MAMDC2: variants seen among roughly 807,000 people sequenced by gnomAD.
MAMDC2 encodes MAM domain containing 2, also known as MAM domain-containing protein 2.
MAMDC2 carries 57 observed loss-of-function variants against 89.8 expected under a neutral mutation model. The ratio of observed to expected loss-of-function variants is 0.63; its 90% CI spans 0.51 to 0.79. The LOEUF is 0.79. Ranked by LOEUF, MAMDC2 falls within the 30% of genes least tolerant of loss-of-function variation. The probability of loss-of-function intolerance (pLI) is 0.00; values close to 1 mark genes in which losing one functional copy is unlikely to be tolerated. For missense variants in MAMDC2, 800 were observed against 820.6 expected, an observed-to-expected ratio of 0.97 and a Z score of 0.31; for synonymous variants, 313 against 293.4, an observed-to-expected ratio of 1.07 and a Z score of -0.68.
At chr9:70,073,343 T>TGG (rs1827453286) in intron 2 of MAMDC2, among the ~76,000 whole-genome samples, 1 of 152,218 alleles carries the variant, frequency 6.6e-6, no homozygotes, top group South Asian at 2.1e-4. Context: ...GCACTGAATA[T>TGG]TTATAATAAA....
At chr9:70,206,295 G>C (rs1038662101) in intron 11 of MAMDC2, among the ~76,000 whole-genome samples, 1 of 152,130 alleles carries the variant, frequency 6.6e-6, no homozygotes, top group African/African-American at 2.4e-5. Flanking sequence ...ATTTTATTGT[G>C]AGTTATTGTT....
intron 2 of MAMDC2, among the ~76,000 whole-genome samples, chr9:70,106,937 T>C (rs1169552069): frequency 6.6e-6 from 1 of 151,856 alleles, no homozygotes; most frequent in East Asian, 1.9e-4. Context: ...GGATGGGCAT[T>C]TGAGACAACA....
At chr9:70,207,660 C>T (rs1042922146) in intron 11 of MAMDC2, among the ~76,000 whole-genome samples, 2 of 152,144 alleles carry the variant, frequency 1.3e-5, no homozygotes, top group African/African-American at 4.8e-5. Flanking sequence ...TCAATTTTGG[C>T]TTTTGTTGTC....
chr9:70,205,771 A>T (rs547788397), intron 11 of MAMDC2, among the ~76,000 whole-genome samples: 5 of 152,276 alleles, frequency 3.3e-5, no homozygotes, highest in African/African-American at 1.2e-4. Context: ...ATGTGCAACA[A>T]CATGTGAGCT....
chr9:70,088,862 T>G (rs1587459441), intron 2 of MAMDC2: 1 of 152,076 alleles, frequency 6.6e-6, no homozygotes, highest in Admixed American at 6.6e-5. Context: ...ATTTACGACT[T>G]AAATATAAAA....
At chr9:70,044,824 T>A (rs529494666) in intron 2 of MAMDC2, 127 bp downstream of exon 2, 1 of 782,048 alleles carries the variant, frequency 1.3e-6, no homozygotes, top group East Asian at 2.7e-5. Context: ...GAGTCATGGA[T>A]CCTCCTTCAA....
At chr9:70,168,991 T>G (rs2032251767) in intron 10 of MAMDC2, among the ~76,000 whole-genome samples, 196 bp downstream of exon 10, 1 of 152,236 alleles carries the variant, frequency 6.6e-6, no homozygotes, top group Admixed American at 6.5e-5. Flanking sequence ...TTTGTACATG[T>G]GACTTAACCC....
chr9:70,089,738 C>T (rs1827847341), intron 2 of MAMDC2, among the ~76,000 whole-genome samples: 1 of 152,138 alleles, frequency 6.6e-6, no homozygotes, highest in African/African-American at 2.4e-5. Context: ...ATCTTAGGAA[C>T]TATTGGTACA....
chr9:70,198,327 AC>A (rs2033019974), intron 11 of MAMDC2, among the ~76,000 whole-genome samples: 2 of 152,030 alleles, frequency 1.3e-5, no homozygotes, highest in Admixed American at 1.3e-4. Context: ...ACTTGAGACT[AC>A]AGTATTATGA....
chr9:70,070,060 T>G (rs1346723291), intron 2 of MAMDC2, among the ~76,000 whole-genome samples: 3 of 152,218 alleles, frequency 2.0e-5, no homozygotes, highest in African/African-American at 7.2e-5. Context: ...ATTTTCACTG[T>G]GCATTGTTAG....
In MAMDC2 at chr9:70,143,747, G is replaced by A; in HGVS notation, c.1332G>A (p.Trp444Ter). The part of the protein sequence containing the change: ...EENHVVQEKI[W>*]SVLESPRGVW... ...ACCATGTGGTTCAAGAGAAGATCTG[G>A]TCTGTGTTGGAGTCCCCAAGGGGTG... The change falls in exon 9 of 14, where the codon TGG becomes TGA. Residue 444 changes from tryptophan to a stop codon, truncating the protein, a stop_gained. Coordinates refer to ENST00000377182, the MANE Select transcript of MAMDC2 (RefSeq NM_153267.5). LOFTEE classifies it high-confidence loss of function. 5 of 1,614,140 alleles carry A rather than the reference G, an allele frequency of 3.1e-6. No individual in the cohort carries two copies. Among genetic ancestry groups the A allele is most frequent in the Non-Finnish European group, 4.2e-6 (5 of 1,180,010 alleles).
At chr9:70,058,568 C>T (rs1053671702) in intron 2 of MAMDC2, among the ~76,000 whole-genome samples, 3 of 152,032 alleles carry the variant, frequency 2.0e-5, no homozygotes, top group East Asian at 1.9e-4. Context: ...CCCCATTTTA[C>T]GGTTGAGACA....
chr9:70,057,470 T>C (rs1488589641), intron 2 of MAMDC2, among the ~76,000 whole-genome samples: 3 of 152,178 alleles, frequency 2.0e-5, no homozygotes, highest in Non-Finnish European at 2.9e-5. Flanking sequence ...ACTCAGCTAC[T>C]CACAATAAAA....
chr9:70,136,312 C>A (rs1209230111), intron 7 of MAMDC2, among the ~76,000 whole-genome samples: 2 of 152,154 alleles, frequency 1.3e-5, no homozygotes, highest in Non-Finnish European at 2.9e-5. Flanking sequence ...TTCAGACTGG[C>A]TTCCTGCACT....
intron 9 of MAMDC2, among the ~76,000 whole-genome samples, chr9:70,144,742 C>G (rs1011952747): frequency 3.3e-5 from 5 of 152,326 alleles, no homozygotes; most frequent in African/African-American, 1.2e-4. Flanking sequence ...ACCCAAAGTG[C>G]AGGCTCCCCT....
chr9:70,059,962 A>T (rs2118024515), intron 2 of MAMDC2, among the ~76,000 whole-genome samples: 1 of 152,268 alleles, frequency 6.6e-6, no homozygotes, highest in South Asian at 2.1e-4. Context: ...TTCACACAAC[A>T]TTCTGTGTCT....
chr9:70,134,651 C>T (rs895926683), intron 7 of MAMDC2, among the ~76,000 whole-genome samples: 6 of 152,202 alleles, frequency 3.9e-5, no homozygotes, highest in Non-Finnish European at 8.8e-5. Flanking sequence ...TCACTGACAA[C>T]ACATTGCCCC....
intron 9 of MAMDC2, among the ~76,000 whole-genome samples, chr9:70,155,884 T>C (rs1032357567): frequency 6.6e-6 from 1 of 152,230 alleles, no homozygotes; most frequent in African/African-American, 2.4e-5. Context: ...CTCTTCCTCT[T>C]TGAATCTTTT....
intron 9 of MAMDC2, among the ~76,000 whole-genome samples, chr9:70,144,301 T>A (rs2031324467): frequency 1.3e-5 from 2 of 152,138 alleles, no homozygotes; most frequent in Non-Finnish European, 2.9e-5. Context: ...ATGAGGAAGC[T>A]CATTAAAAAA....
Sources: allele counts gnomAD v4.1 joint callset (sites outside exome capture counted in the v4.1 genomes callset), GRCh38; gene constraint gnomAD v4.1.1; transcripts MANE v1.5; gene names NCBI Gene and HGNC (gene_info 2026-07-23, HGNC 2026-07-21).